SLC11A2: variants seen among roughly 807,000 people sequenced by gnomAD.
SLC11A2 encodes the protein solute carrier family 11 member 2.
In SLC11A2, 38 loss-of-function variants were observed where a neutral mutation model predicts 68.0. The ratio of observed to expected loss-of-function variants is 0.56; its 90% confidence interval spans 0.43 to 0.73. The LOEUF (loss-of-function observed/expected upper bound fraction) is 0.73. Ranked by LOEUF, SLC11A2 falls within the 30% of genes least tolerant of loss-of-function variation. The pLI is 0.00. For missense variants in SLC11A2, 517 were observed against 690.5 expected (o/e 0.75, Z 2.82); for synonymous variants, 242 against 250.6 (o/e 0.97, Z 0.32).
chr12:50,991,725 A>G (rs1822842823), intron 13 of SLC11A2, 53 bp from the exon 14 acceptor site: 2 of 1,313,444 alleles, frequency 1.5e-6, no homozygotes, highest in Non-Finnish European at 2.2e-6. Flanking sequence ...GTATCACCCT[A>G]GAGAACAGCA....
chr12:50,969,713 A>T, the SLC11A2 span, among the ~76,000 whole-genome samples: 11 of 151,498 alleles, frequency 7.3e-5, no homozygotes, highest in Non-Finnish European at 1.6e-4. Context: ...AAAAAAAAAA[A>T]AACAAAAACA....
the SLC11A2 span, among the ~76,000 whole-genome samples, chr12:50,972,201 C>T: frequency 6.6e-6 from 1 of 152,156 alleles, no homozygotes; most frequent in Non-Finnish European, 1.5e-5. Flanking sequence ...AAATATTCTA[C>T]CTTCTCAATA....
At chr12:51,011,048 C>T (rs963699465) in intron 1 of SLC11A2, among the ~76,000 whole-genome samples, 1 of 152,138 alleles carries the variant, frequency 6.6e-6, no homozygotes, top group Non-Finnish European at 1.5e-5. Context: ...CTGGCTTTCA[C>T]TGTGAAACCC....
At chr12:50,967,432 C>G in the SLC11A2 span, among the ~76,000 whole-genome samples, 2 of 152,118 alleles carry the variant, frequency 1.3e-5, no homozygotes, top group African/African-American at 2.4e-5. Context: ...CGGGCATGAG[C>G]TACCAGACCT....
chr12:51,013,196 T>A (rs900302450), intron 1 of SLC11A2, among the ~76,000 whole-genome samples: 2 of 152,270 alleles, frequency 1.3e-5, no homozygotes, highest in East Asian at 3.9e-4. Context: ...TCCTTCCTTA[T>A]GCGTCAATCA....
chr12:50,952,765 G>A, the SLC11A2 span, among the ~76,000 whole-genome samples: 1 of 152,208 alleles, frequency 6.6e-6, no homozygotes, highest in East Asian at 1.9e-4. Flanking sequence ...CAACTGCAGG[G>A]AGCGCACCTC....
In SLC11A2 at chr12:50,990,909, G is replaced by C. The variant is rs1460258818; in HGVS notation, c.1461C>G (p.Ile487Met). Residue 487 changes from isoleucine (I) to methionine (M), a missense_variant, in exon 15 of 16, where the codon ATC becomes ATG. Coordinates refer to ENST00000262052, the MANE Select transcript of SLC11A2 (RefSeq NM_000617.3). ...CTACAAAGTACATATTGATGGAACA[G>C]ATGATAAGGACCAAGATTCCTCCTG... ...RIAGGILVLI[I>M]CSINMYFVVV... 6 of 1,614,022 alleles carry C rather than the reference G, an allele frequency of 3.7e-6. No homozygotes were observed. The South Asian group carries it at 4.4e-5, about 12-fold the overall frequency.
intron 1 of SLC11A2, among the ~76,000 whole-genome samples, chr12:51,015,162 TAAA>T (rs35686853): frequency 1.5e-5 from 2 of 134,906 alleles, no homozygotes; most frequent in Non-Finnish European, 1.6e-5. Context: ...TCCGTCTCAT[TAAA>T]AAAAAAAAAA....
chr12:50,994,371 T>A (rs1437282066), intron 11 of SLC11A2, among the ~76,000 whole-genome samples, 173 bp downstream of exon 11: 2 of 152,174 alleles, frequency 1.3e-5, no homozygotes, highest in Non-Finnish European at 2.9e-5. Flanking sequence ...TTTCAACTGA[T>A]CCTCTATTCC....
intron 11 of SLC11A2, among the ~76,000 whole-genome samples, chr12:50,994,231 G>C (rs1315678406): frequency 6.6e-6 from 1 of 151,968 alleles, no homozygotes; most frequent in Non-Finnish European, 1.5e-5. Context: ...GTTTTTAGTA[G>C]AGACAGGGTT....
At chr12:50,991,502 G>A (rs1480917577) in intron 14 of SLC11A2, 97 bp downstream of exon 14, 8 of 914,826 alleles carry the variant, frequency 8.7e-6, no homozygotes, top group East Asian at 4.9e-5. Flanking sequence ...AAAGCATATC[G>A]CTTCCCTCTG....
At chr12:50,974,963 A>G (rs2136111348), downstream of SLC11A2, among the ~76,000 whole-genome samples, 2 of 152,348 alleles carry the variant, frequency 1.3e-5, no homozygotes, top group South Asian at 4.1e-4. Flanking sequence ...ACATGCACCC[A>G]ATATAGGAGC....
intron 8 of SLC11A2, among the ~76,000 whole-genome samples, chr12:50,997,635 G>C (rs1251412397): frequency 7.6e-6 from 1 of 131,940 alleles, no homozygotes; most frequent in Non-Finnish European, 1.5e-5. Flanking sequence ...AGCTGAGATC[G>C]TGCCACTGAA....
downstream of SLC11A2, among the ~76,000 whole-genome samples, chr12:50,974,742 C>T (rs1489240729): frequency 6.6e-6 from 1 of 152,118 alleles, no homozygotes; most frequent in Non-Finnish European, 1.5e-5. Flanking sequence ...ATTCAGGAAA[C>T]CCATCTCATG....
intron 1 of SLC11A2, among the ~76,000 whole-genome samples, chr12:51,019,301 T>C (rs1403566358): frequency 2.0e-5 from 3 of 152,240 alleles, no homozygotes; most frequent in East Asian, 1.9e-4. Flanking sequence ...AAAAGGTTTC[T>C]AGATTCTTCT....
intron 5 of SLC11A2, 87 bp downstream of exon 5, chr12:51,004,701 C>T: frequency 1.3e-6 from 2 of 1,484,886 alleles, no homozygotes; most frequent in Non-Finnish European, 1.9e-6. Flanking sequence ...TTGACTGTCT[C>T]ACTATAGAAT....
rs571872349 is a variant in SLC11A2 at position 50,994,663 on chromosome 12, G to A, written c.991-33C>T. The A allele has an allele frequency of 4.1e-5, 56 of 1,353,632 alleles. No individual in the cohort carries two copies. The African/African-American group carries it at 7.4e-4, about 18-fold the overall frequency. 83.9% of individuals were successfully genotyped at this position (1,353,632 alleles called of 1,614,324 possible). A position where few individuals can be genotyped will look rare whatever the true frequency, so the allele number is the denominator to read the frequency against. On this transcript the variant is annotated intron_variant, in intron 10 of 15. Transcript: ENST00000262052. ...CCAAAGCAATTCAACAGCAACTTTT[G>A]TTTCAGAAGCAAGGACCAAATAAGA...
intron 1 of SLC11A2, chr12:51,024,418 C>T (rs1054500077): frequency 3.3e-5 from 5 of 152,240 alleles, no homozygotes; most frequent in African/African-American, 1.2e-4. Context: ...CGGTGGCTCA[C>T]ACCACCCCAG....
chr12:51,006,454 C>A (rs1375336343), intron 3 of SLC11A2, among the ~76,000 whole-genome samples: 1 of 152,166 alleles, frequency 6.6e-6, no homozygotes, highest in Non-Finnish European at 1.5e-5. Context: ...GTATTTTACT[C>A]CAAGATATAT....
Sources: gnomAD v4.1 joint callset for allele counts (sites outside exome capture counted in the v4.1 genomes callset) on GRCh38, gnomAD v4.1.1 for gene constraint, MANE v1.5 for transcripts, NCBI Gene and HGNC (gene_info 2026-07-23, HGNC 2026-07-21) for gene names.